Variants in GMDS observed in about 807,000 individuals in gnomAD.
The protein encoded by GMDS is GDP-mannose 4,6-dehydratase.
Under a neutral mutation model 49.9 loss-of-function variants are expected in GMDS, and 20 were observed. The ratio of observed to expected loss-of-function variants is 0.40; its 90% confidence interval spans 0.28 to 0.58. The LOEUF is 0.58. Ranked by LOEUF, GMDS falls within the 20% of genes least tolerant of loss-of-function variation. The pLI is 0.42. For synonymous variants in GMDS, 177 were observed against 178.6 expected (o/e 0.99, Z 0.07); for missense variants, 362 against 481.4 (o/e 0.75, Z 2.32).
intron 4 of GMDS, chr6:2,043,531 C>A (rs569476028): frequency 6.6e-6 from 1 of 152,340 alleles, no homozygotes; most frequent in Admixed American, 6.5e-5. Context: ...GGAAGAGGGC[C>A]ACTACCATAT....
intron 4 of GMDS, among the ~76,000 whole-genome samples, chr6:2,073,779 C>A (rs968567259): frequency 2.6e-5 from 4 of 152,136 alleles, no homozygotes; most frequent in Admixed American, 2.0e-4. Context: ...TCTTTCTGTG[C>A]CTGGGTTATA....
chr6:2,206,970 T>C (rs1456303240), intron 1 of GMDS, among the ~76,000 whole-genome samples: 1 of 152,280 alleles, frequency 6.6e-6, no homozygotes, highest in South Asian at 2.1e-4. Context: ...CCAGAAGTCT[T>C]AGTGGTGGTA....
At chr6:2,072,968 ATTTTC>A (rs1772102697) in intron 4 of GMDS, among the ~76,000 whole-genome samples, 1 of 152,102 alleles carries the variant, frequency 6.6e-6, no homozygotes, top group African/African-American at 2.4e-5. Flanking sequence ...TTAATAGACT[ATTTTC>A]TTTTTGCAAA....
intron 7 of GMDS, among the ~76,000 whole-genome samples, chr6:1,776,191 T>C (rs1345878144): frequency 1.3e-5 from 2 of 152,208 alleles, no homozygotes; most frequent in African/African-American, 2.4e-5. Flanking sequence ...CAACCATTCA[T>C]GGGAGGGCAG....
chr6:2,000,889 C>T (rs1478974887), intron 4 of GMDS, among the ~76,000 whole-genome samples: 2 of 152,150 alleles, frequency 1.3e-5, no homozygotes, highest in African/African-American at 4.8e-5. Flanking sequence ...TTTGTTTATC[C>T]ATTAACCAGC....
intron 7 of GMDS, among the ~76,000 whole-genome samples, chr6:1,744,582 T>C (rs1440077577): frequency 3.9e-5 from 2 of 51,078 alleles, no homozygotes. Context: ...CTGAACACTG[T>C]TAAACACTGG....
In GMDS at chr6:1,822,102, G is replaced by A. The variant is rs548446698; in HGVS notation, c.772-79516C>T. 7.9e-5 allele frequency among the ~76,000 whole-genome samples: 12 copies of A among 152,248 alleles called. No individual in the cohort carries two copies. In the South Asian group the frequency reaches 2.5e-3, roughly 32 times the overall value. On this transcript the variant is annotated intron_variant, in intron 7 of 10. Transcript: ENST00000380815. ...TGTGTAAACTACCAGGAAACAGACG[G>A]CTATGACAACTGACTTCTTGTTCAC... is the stretch of plus-strand genomic sequence containing the variant.
intron 7 of GMDS, among the ~76,000 whole-genome samples, chr6:1,761,673 G>C (rs1561788069): frequency 6.6e-6 from 1 of 152,106 alleles, no homozygotes; most frequent in Non-Finnish European, 1.5e-5. Context: ...GTGTCAATGA[G>C]TGTCAAAATA....
At chr6:2,002,682 A>G (rs1210793512) in intron 4 of GMDS, among the ~76,000 whole-genome samples, 2 of 152,194 alleles carry the variant, frequency 1.3e-5, no homozygotes, top group Non-Finnish European at 2.9e-5. Context: ...GATAAGCATG[A>G]TAGACTTCTG....
intron 4 of GMDS, among the ~76,000 whole-genome samples, chr6:2,065,362 G>C (rs1034656177): frequency 4.6e-5 from 7 of 152,226 alleles, no homozygotes; most frequent in South Asian, 2.1e-4. Context: ...AAAAAGCAGA[G>C]CGCCTCTCCT....
chr6:2,127,680 G>C (rs1198061490), intron 1 of GMDS, among the ~76,000 whole-genome samples: 1 of 152,220 alleles, frequency 6.6e-6, no homozygotes, highest in African/African-American at 2.4e-5. Flanking sequence ...GCCGAGCGAG[G>C]GCTCCTGGTC....
At chr6:2,199,955 T>C (rs1779433792) in intron 1 of GMDS, among the ~76,000 whole-genome samples, 1 of 152,224 alleles carries the variant, frequency 6.6e-6, no homozygotes, top group Non-Finnish European at 1.5e-5. Context: ...ATATGGTAAA[T>C]GCTATTCCAT....
intron 9 of GMDS, among the ~76,000 whole-genome samples, chr6:1,636,301 G>A (rs1763145840): frequency 6.6e-6 from 1 of 152,310 alleles, no homozygotes; most frequent in Non-Finnish European, 1.5e-5. Context: ...TGTTGGCGTA[G>A]AAAGTAGGCC....
chr6:2,026,198 G>A (rs1355404004), intron 4 of GMDS, among the ~76,000 whole-genome samples: 1 of 152,138 alleles, frequency 6.6e-6, no homozygotes, highest in Non-Finnish European at 1.5e-5. Flanking sequence ...GACCCCCTGG[G>A]CTTTCTGGCC....
At chr6:2,000,260 C>A (rs1029917802) in intron 4 of GMDS, among the ~76,000 whole-genome samples, 4 of 150,478 alleles carry the variant, frequency 2.7e-5, no homozygotes, top group African/African-American at 9.8e-5. Context: ...TGGTCTCCAT[C>A]TCCTGACCTT....
chr6:2,065,124 T>C (rs549042192), intron 4 of GMDS, among the ~76,000 whole-genome samples: 2,526 of 152,174 alleles, frequency 0.017, 29 homozygotes, highest in Middle Eastern at 0.041. Flanking sequence ...CCCTGACCCC[T>C]GAGCAGCCTA....
rs147091733 is a variant in GMDS, at chr6:2,102,010, A to G, written c.345+13761T>C. 2.5e-3 allele frequency among the ~76,000 whole-genome samples: 380 copies of G among 152,246 alleles called. 1 individual carries two copies. Among genetic ancestry groups the G allele is most frequent in the African/African-American group, 8.9e-3 (369 of 41,578 alleles). On this transcript the variant is annotated intron_variant, in intron 4 of 10. Transcript: ENST00000380815. The stretch of plus-strand genomic sequence containing the variant: ...AATGCTACTTAATTAACCATGTGAA[A>G]GTTAAAGTAAGTAAGAAAGACAAAC...
intron 7 of GMDS, among the ~76,000 whole-genome samples, chr6:1,857,123 C>CTT (rs1370511497): frequency 1.3e-5 from 2 of 152,182 alleles, no homozygotes; most frequent in Non-Finnish European, 2.9e-5. Context: ...CTCTCAGGCT[C>CTT]TTATCTCAGA....
intron 1 of GMDS, among the ~76,000 whole-genome samples, chr6:2,137,755 C>T (rs1277818918): frequency 6.6e-6 from 1 of 152,208 alleles, no homozygotes; most frequent in African/African-American, 2.4e-5. Context: ...GTCCAGGACT[C>T]CACCAACAAG....
Sources: gnomAD v4.1 joint callset for allele counts (sites outside exome capture counted in the v4.1 genomes callset) on GRCh38, gnomAD v4.1.1 for gene constraint, MANE v1.5 for transcripts, NCBI Gene and HGNC (gene_info 2026-07-23, HGNC 2026-07-21) for gene names.